GALNT10: variants seen among roughly 807,000 people sequenced by gnomAD.
GALNT10 encodes polypeptide N-acetylgalactosaminyltransferase 10, also known as GalNAc transferase 10.
In GALNT10, 41 loss-of-function variants were observed where a neutral mutation model predicts 75.0. That is an observed-to-expected ratio of 0.55 (90% CI 0.43 to 0.71). The LOEUF is 0.71. Among genes scored for constraint, GALNT10 ranks in the 30% least tolerant of loss-of-function variants. GALNT10 has a pLI of 0.00. For synonymous variants in GALNT10, 302 were observed against 313.0 expected (o/e 0.96, Z 0.37); for missense variants, 727 against 818.5 (o/e 0.89, Z 1.36).
At chr5:154,377,331 C>A (rs144813548) in intron 5 of GALNT10, among the ~76,000 whole-genome samples, 61 of 152,262 alleles carry the variant, frequency 4.0e-4, no homozygotes, top group South Asian at 1.0e-3. Flanking sequence ...TGGAGGCAGA[C>A]TGGGGAAGAG....
At chr5:154,226,409 T>C (rs1468201315) in intron 1 of GALNT10, among the ~76,000 whole-genome samples, 1 of 152,228 alleles carries the variant, frequency 6.6e-6, no homozygotes, top group Non-Finnish European at 1.5e-5. Flanking sequence ...TAGCAAACTC[T>C]CCATGTTTGC....
intron 3 of GALNT10, among the ~76,000 whole-genome samples, chr5:154,326,343 G>A (rs1754756242): frequency 6.6e-6 from 1 of 152,124 alleles, no homozygotes; most frequent in African/African-American, 2.4e-5. Flanking sequence ...CATTTGACAG[G>A]TCTTTACAAA....
intron 1 of GALNT10, among the ~76,000 whole-genome samples, chr5:154,294,507 A>T (rs1164881420): frequency 1.3e-5 from 2 of 152,148 alleles, no homozygotes; most frequent in Non-Finnish European, 2.9e-5. Context: ...CTCACGTTAT[A>T]TTTCTGTTGG....
intron 7 of GALNT10, among the ~76,000 whole-genome samples, chr5:154,393,259 T>C (rs1040871671): frequency 1.3e-5 from 2 of 151,850 alleles, no homozygotes; most frequent in African/African-American, 4.8e-5. Flanking sequence ...TATTTTGTAA[T>C]GACAGGGTCT....
chr5:154,307,733 C>T (rs1754456148), intron 3 of GALNT10, among the ~76,000 whole-genome samples: 2 of 151,308 alleles, frequency 1.3e-5, no homozygotes, highest in Non-Finnish European at 2.9e-5. Flanking sequence ...CAAAATCAGA[C>T]AAAGATATTA....
In GALNT10 at chr5:154,222,986, A is replaced by G. The variant is rs145672174; in HGVS notation, c.159+31961A>G. Among the ~76,000 whole-genome samples the G allele has an allele frequency of 7.9e-5, 12 of 152,340 alleles. No individual in the cohort carries two copies. The East Asian group carries it at 2.1e-3, about 27-fold the overall frequency. On this transcript the variant is annotated intron_variant, in intron 1 of 11. Coordinates refer to ENST00000297107, the MANE Select transcript of GALNT10 (RefSeq NM_198321.4). ...GATAAGTAAGACATTGAAATTTAAC[A>G]AATGTAGTAAACCTTAAGAATCCCG...
intron 1 of GALNT10, among the ~76,000 whole-genome samples, chr5:154,239,732 A>C (rs910502848): frequency 6.6e-6 from 1 of 152,180 alleles, no homozygotes; most frequent in African/African-American, 2.4e-5. Context: ...CAACCAGCTC[A>C]CAGTCTACTG....
chr5:154,370,279 C>A (rs151117896), intron 4 of GALNT10, among the ~76,000 whole-genome samples: 4 of 152,344 alleles, frequency 2.6e-5, no homozygotes, highest in Non-Finnish European at 5.9e-5. Context: ...GTGAGAGGAG[C>A]ATTCACAGAA....
intron 1 of GALNT10, among the ~76,000 whole-genome samples, chr5:154,204,860 C>G (rs1393082227): frequency 2.0e-5 from 3 of 152,216 alleles, no homozygotes; most frequent in African/African-American, 4.8e-5. Context: ...TTGTTTATTT[C>G]TCTGCTCCAG....
chr5:154,274,437 A>G (rs1374570605), intron 1 of GALNT10, among the ~76,000 whole-genome samples: 1 of 152,214 alleles, frequency 6.6e-6, no homozygotes, highest in Non-Finnish European at 1.5e-5. Context: ...TGTAAAAAGG[A>G]GAACTACTAG....
At chr5:154,272,241 C>G (rs1753878214) in intron 1 of GALNT10, among the ~76,000 whole-genome samples, 1 of 152,110 alleles carries the variant, frequency 6.6e-6, no homozygotes, top group African/African-American at 2.4e-5. Context: ...GTCTGAGCAC[C>G]CCTCCTGAGG....
chr5:154,317,736 C>CA (rs942437522), intron 3 of GALNT10, among the ~76,000 whole-genome samples: 17 of 152,222 alleles, frequency 1.1e-4, no homozygotes, highest in African/African-American at 4.1e-4. Context: ...TTGTAAATGA[C>CA]AAAAAACCTA....
chr5:154,342,268 G>A (rs113346138), intron 4 of GALNT10, among the ~76,000 whole-genome samples: 23 of 152,340 alleles, frequency 1.5e-4, no homozygotes, highest in African/African-American at 5.3e-4. Context: ...TTTCACAGAA[G>A]GAGAGAACCC....
chr5:154,293,250 A>G (rs57807309), intron 1 of GALNT10, among the ~76,000 whole-genome samples: 14,394 of 152,218 alleles, frequency 0.095, 734 homozygotes, highest in African/African-American at 0.13. Flanking sequence ...TTAATTATAT[A>G]GGAAATAGCA....
rs779313180 is a variant in GALNT10, at chr5:154,416,989, G to T, written c.*17G>T. The stretch of plus-strand genomic sequence containing the variant: ...AGGAACTGAGCCCTCATGTCCCCTT[G>T]GCAGGCCCCCCAGGGTCTGGCACTC... On this transcript the variant is annotated 3_prime_UTR_variant, in exon 12 of 12. Transcript: ENST00000297107. This position sits in a 1 kb window ranked among gnomAD's most constrained non-coding sequence, Gnocchi z 4.5. The T allele has an allele frequency of 6.2e-7, 1 of 1,613,308 alleles. No individual in the cohort carries two copies. The highest frequency in any genetic ancestry group is 1.1e-5 in the South Asian group (1 of 91,014).
intron 1 of GALNT10, among the ~76,000 whole-genome samples, chr5:154,287,890 CTG>C (rs61253851): frequency 0.095 from 13,798 of 145,134 alleles, 660 homozygotes; most frequent in African/African-American, 0.13. Context: ...AATTGCTTTG[CTG>C]TGTGTGTGTG....
At chr5:154,338,478 G>T (rs964155590) in intron 4 of GALNT10, 4 of 266,322 alleles carry the variant, frequency 1.5e-5, no homozygotes, top group Non-Finnish European at 2.9e-5. Context: ...AGACTTTAAT[G>T]GTGCTTCCTC....
chr5:154,242,078 C>T (rs1388487377), intron 1 of GALNT10, among the ~76,000 whole-genome samples: 4 of 152,126 alleles, frequency 2.6e-5, no homozygotes, highest in African/African-American at 9.7e-5. Flanking sequence ...GTGAAGTGGG[C>T]AGGGCAAGGT....
At chr5:154,216,217 T>C (rs1368104855) in intron 1 of GALNT10, among the ~76,000 whole-genome samples, 10 of 152,178 alleles carry the variant, frequency 6.6e-5, no homozygotes, top group Non-Finnish European at 1.3e-4. Flanking sequence ...TTGTTTCAAA[T>C]TGTTAGCTCT....
Sources: gnomAD v4.1 joint callset for allele counts (sites outside exome capture counted in the v4.1 genomes callset) on GRCh38, gnomAD v4.1.1 for gene constraint, Gnocchi (gnomAD v3.1) non-coding constraint, MANE v1.5 for transcripts, NCBI Gene and HGNC (gene_info 2026-07-23, HGNC 2026-07-21) for gene names.